Variants in USP34 observed in about 807,000 individuals in gnomAD.
USP34 encodes the protein ubiquitin carboxyl-terminal hydrolase 34.
USP34 carries 70 observed loss-of-function variants against 460.3 expected under a neutral mutation model. The ratio of observed to expected loss-of-function variants is 0.15; its 90% CI spans 0.13 to 0.19. The LOEUF (loss-of-function observed/expected upper bound fraction) is 0.19, where lower values mean the gene tolerates loss of function less well. Among genes scored for constraint, USP34 ranks in the 10% least tolerant of loss-of-function variants. The probability of loss-of-function intolerance (pLI) is 1.00; values close to 1 mark genes in which losing one functional copy is unlikely to be tolerated. For synonymous variants in USP34, 1,647 were observed against 1,405.3 expected, an observed-to-expected ratio of 1.17 and a Z score of -3.85; for missense variants, 3,985 against 4,236.2, an observed-to-expected ratio of 0.94 and a Z score of 1.65.
intron 21 of USP34, among the ~76,000 whole-genome samples, chr2:61,322,469 G>A (rs1690955454): frequency 6.6e-6 from 1 of 152,110 alleles, no homozygotes; most frequent in African/African-American, 2.4e-5. Context: ...TCACAAGTAC[G>A]AGTATGAAAA....
intron 1 of USP34, among the ~76,000 whole-genome samples, chr2:61,461,717 C>T (rs566674545): frequency 2.0e-5 from 3 of 152,108 alleles, no homozygotes; most frequent in Admixed American, 6.6e-5. Context: ...TACACAGGCA[C>T]GACTACGACT....
intron 48 of USP34, among the ~76,000 whole-genome samples, chr2:61,249,535 G>C (rs916064550): frequency 2.6e-5 from 4 of 152,208 alleles, no homozygotes; most frequent in Admixed American, 6.5e-5. Flanking sequence ...AAAAACCACA[G>C]AGAAGGGAGA....
intron 53 of USP34, among the ~76,000 whole-genome samples, chr2:61,237,535 G>A (rs1488968345): frequency 9.0e-6 from 1 of 111,152 alleles, no homozygotes; most frequent in African/African-American, 3.5e-5. Flanking sequence ...CTATGTATGT[G>A]TATAGCTATT....
At chr2:61,298,353 C>T in intron 29 of USP34, among the ~76,000 whole-genome samples, 1 of 86,688 alleles carries the variant, frequency 1.2e-5, no homozygotes, top group Non-Finnish European at 2.2e-5. Flanking sequence ...AACCCTGTCT[C>T]TACAAAAATA....
At position 61,311,767 on chromosome 2, in the gene USP34, T is replaced by C; in HGVS notation, c.3669+17A>G. On this transcript the variant is annotated intron_variant, in intron 26 of 79. Transcript: ENST00000398571. ...TGGGAAATGTTATCAACTTCGAAAT[T>C]AAAACTATGTAAGTACCTTGTCAGG... 1 of 1,610,944 alleles carries C rather than the reference T, an allele frequency of 6.2e-7. No individual in the cohort carries two copies. Among genetic ancestry groups the C allele is most frequent in the Non-Finnish European group, 8.5e-7 (1 of 1,179,064 alleles).
chr2:61,308,226 C>T (rs2103662756), intron 27 of USP34, among the ~76,000 whole-genome samples: 1 of 152,034 alleles, frequency 6.6e-6, no homozygotes, highest in Middle Eastern at 3.4e-3. Context: ...ATAATCTAAA[C>T]ACTAAAATGT....
intron 1 of USP34, among the ~76,000 whole-genome samples, chr2:61,462,259 AG>A (rs1293423141): frequency 1.3e-5 from 2 of 150,392 alleles, no homozygotes; most frequent in Admixed American, 6.7e-5. Flanking sequence ...AAAAAAAAAA[AG>A]AAAATCAGCC....
intron 1 of USP34, among the ~76,000 whole-genome samples, chr2:61,444,921 C>CA (rs34855063): frequency 0.65 from 88,960 of 137,850 alleles, 27,861 homozygotes; most frequent in Middle Eastern, 0.71. Flanking sequence ...TCCTTAACAC[C>CA]AAAAAAAAAA....
chr2:61,464,179 C>G (rs777427566), intron 1 of USP34, among the ~76,000 whole-genome samples: 1 of 152,082 alleles, frequency 6.6e-6, no homozygotes, highest in Non-Finnish European at 1.5e-5. Context: ...ATTAGCTGGG[C>G]GTGGTGGCAG....
rs750270096 is a variant in USP34, at chr2:61,227,160, A to C, written c.7502T>G (p.Ile2501Ser). Residue 2501 changes from isoleucine to serine, a missense_variant, in exon 62 of 80, where the codon ATC becomes AGC. This residue lies in a region of USP34 where 604 missense variants were observed against 684.8 expected (regional missense o/e 0.88). Coordinates refer to ENST00000398571, the MANE Select transcript of USP34 (RefSeq NM_014709.4). ...GTATTTTTCTTCTGCCAGAGAGAGG[A>C]TATCTTCTTCCTCCTCTTCTTCTTC... is the stretch of plus-strand genomic sequence containing the variant. The part of the protein sequence containing the change: ...EGEEEEEEED[I>S]LSLAEEKYRP... The C allele has an allele frequency of 3.7e-6, 6 of 1,613,804 alleles. No individual in the cohort carries two copies. The African/African-American group carries it at 8.0e-5, about 22-fold the overall frequency.
intron 1 of USP34, among the ~76,000 whole-genome samples, chr2:61,435,422 AG>A (rs1377926272): frequency 2.1e-4 from 32 of 152,018 alleles, no homozygotes; most frequent in African/African-American, 7.7e-4. Flanking sequence ...CTTACAGGCA[AG>A]GAGTGAATGG....
chr2:61,356,258 C>G (rs1189894858), intron 10 of USP34, among the ~76,000 whole-genome samples: 1 of 151,676 alleles, frequency 6.6e-6, no homozygotes, highest in Non-Finnish European at 1.5e-5. Context: ...GAGGCCAAGG[C>G]GGGTGGATCA....
At chr2:61,439,707 G>T (rs1461137166) in intron 1 of USP34, among the ~76,000 whole-genome samples, 1 of 152,182 alleles carries the variant, frequency 6.6e-6, no homozygotes, top group Non-Finnish European at 1.5e-5. Flanking sequence ...TAAGAGAACA[G>T]ACTTGCTGAC....
intron 1 of USP34, among the ~76,000 whole-genome samples, chr2:61,461,650 G>T (rs1176239723): frequency 1.3e-5 from 2 of 152,102 alleles, no homozygotes; most frequent in Non-Finnish European, 2.9e-5. Context: ...ACATCACCAT[G>T]CCCTGCTAAA....
chr2:61,329,147 G>A (rs1691183408), intron 20 of USP34, among the ~76,000 whole-genome samples: 1 of 152,058 alleles, frequency 6.6e-6, no homozygotes, highest in African/African-American at 2.4e-5. Context: ...TCAGCCGCCT[G>A]AGTAGCTGAG....
intron 29 of USP34, among the ~76,000 whole-genome samples, chr2:61,298,537 C>CAAAAAAAAAAAAAAAAAAAAAAAA (rs57087400): frequency 7.1e-5 from 2 of 28,288 alleles, no homozygotes; most frequent in Non-Finnish European, 1.1e-4. Context: ...GACTCTGTCT[C>CAAAAAAAAAAAAAAAAAAAAAAAA]AAAAAAAAAA....
chr2:61,276,536 C>CA (rs1188874384), intron 41 of USP34, among the ~76,000 whole-genome samples: 3 of 152,124 alleles, frequency 2.0e-5, no homozygotes, highest in African/African-American at 7.2e-5. Flanking sequence ...ATCACCATAG[C>CA]ATGAGAGGAA....
chr2:61,251,366 A>G (rs1688577387), intron 48 of USP34, among the ~76,000 whole-genome samples: 1 of 152,240 alleles, frequency 6.6e-6, no homozygotes, highest in South Asian at 2.1e-4. Flanking sequence ...TTTGTTCAAA[A>G]TAAATATTGT....
At chr2:61,328,383 T>C (rs893002260) in intron 20 of USP34, among the ~76,000 whole-genome samples, 4 of 151,994 alleles carry the variant, frequency 2.6e-5, no homozygotes, top group Non-Finnish European at 5.9e-5. Flanking sequence ...AAATATCATC[T>C]TTCATGCTAC....
Sources: gnomAD v4.1 joint callset for allele counts (sites outside exome capture counted in the v4.1 genomes callset) on GRCh38, gnomAD v4.1.1 for gene constraint, gnomAD v4.1.1 regional missense constraint, MANE v1.5 for transcripts, NCBI Gene and HGNC (gene_info 2026-07-23, HGNC 2026-07-21) for gene names.